Variants in DCN observed in about 807,000 individuals in gnomAD.
DCN encodes bone proteoglycan II.
Under a neutral mutation model 36.5 loss-of-function variants are expected in DCN, and 17 were observed. The ratio of observed to expected loss-of-function variants is 0.47; its 90% CI spans 0.32 to 0.70. The LOEUF is 0.70. Among genes scored for constraint, DCN ranks in the 30% least tolerant of loss-of-function variants. The pLI, the probability that DCN is intolerant of heterozygous loss-of-function variation, is 0.04. For missense variants in DCN, 389 were observed against 430.1 expected (o/e 0.90, Z 0.84); for synonymous variants, 163 against 161.4 (o/e 1.01, Z -0.07).
intron 6 of DCN, 110 bp from the exon 7 acceptor site, chr12:91,151,902 TA>T: frequency 2.4e-6 from 3 of 1,244,106 alleles, no homozygotes; most frequent in Non-Finnish European, 3.4e-6. Flanking sequence ...TTTTTGCACT[TA>T]CTCTTCCCAG....
intron 7 of DCN, among the ~76,000 whole-genome samples, chr12:91,146,743 T>C (rs1881053538): frequency 6.6e-6 from 1 of 152,226 alleles, no homozygotes; most frequent in African/African-American, 2.4e-5. Flanking sequence ...TAGTCTTGTC[T>C]TCCCCATCTC....
intron 2 of DCN, among the ~76,000 whole-genome samples, chr12:91,174,289 AT>A (rs1437357036): frequency 6.6e-6 from 1 of 152,008 alleles, no homozygotes; most frequent in African/African-American, 2.4e-5. Flanking sequence ...AGATGGTACT[AT>A]TTTGTGTCTA....
intron 6 of DCN, among the ~76,000 whole-genome samples, 160 bp downstream of exon 6, chr12:91,152,936 G>T (rs567179255): frequency 1.3e-5 from 2 of 152,094 alleles, no homozygotes; most frequent in Admixed American, 6.5e-5. Flanking sequence ...TTCTTCTCAA[G>T]AAATAATTGG....
Position 91,164,598 on chromosome 12 carries a change from T to C in DCN, c.324+7A>G. 6.6e-7 allele frequency: 1 copy of C among 1,507,244 alleles called. No individual in the cohort carries two copies. The highest frequency in any genetic ancestry group is 9.2e-7 in the Non-Finnish European group (1 of 1,082,914). 93.4% of individuals were successfully genotyped at this position (1,507,244 alleles called of 1,614,324 possible). ...CTTATTGTGAGTTAAAAAAAAATAG[T>C]TCTTACGTGAAGGTTCTTCAGGTTC... is the stretch of plus-strand genomic sequence containing the variant. On this transcript the variant is annotated splice_region_variant and intron_variant, in intron 3 of 7. Transcript: ENST00000052754.
chr12:91,159,585 AT>A (rs1005025891), intron 3 of DCN, among the ~76,000 whole-genome samples: 7 of 150,348 alleles, frequency 4.7e-5, no homozygotes, highest in African/African-American at 7.3e-5. Flanking sequence ...TTTTCTCCTG[AT>A]TTTTTTTTGC....
At chr12:91,178,287 C>T (rs1368703873) in intron 2 of DCN, 55 bp downstream of exon 2, 1 of 1,475,784 alleles carries the variant, frequency 6.8e-7, no homozygotes, top group East Asian at 2.3e-5. Context: ...TCAGAGTTGC[C>T]ATTCCCAAGA....
chr12:91,142,594 T>C lies in DCN; in HGVS notation c.*3464A>G, dbSNP rs1278229856. 6.6e-6 allele frequency: 1 copy of C among 152,214 alleles called. No individual in the cohort carries two copies. The highest frequency in any genetic ancestry group is 1.5e-5 in the Non-Finnish European group (1 of 68,050). The allele number at this position is 152,214 out of a possible 1,614,324, so 9.4% of individuals were successfully genotyped here. ...ATGTCATGAGAATTACATAGTAACA[T>C]TTATTGCCAGATCAAAGTCTTTGAA... On this transcript the variant is annotated 3_prime_UTR_variant, in exon 8 of 8. Coordinates refer to ENST00000052754, the MANE Select transcript of DCN (RefSeq NM_001920.5).
At chr12:91,169,475 T>C (rs2121280104) in intron 2 of DCN, among the ~76,000 whole-genome samples, 1 of 151,008 alleles carries the variant, frequency 6.6e-6, no homozygotes, top group South Asian at 2.1e-4. Context: ...ATAAATAAGC[T>C]ATAAACTATG....
intron 3 of DCN, among the ~76,000 whole-genome samples, chr12:91,159,289 A>G (rs1305010214): frequency 6.6e-6 from 1 of 152,208 alleles, no homozygotes; most frequent in Non-Finnish European, 1.5e-5. Flanking sequence ...CAGCAATGCA[A>G]GGAACTAAAA....
At chr12:91,163,545 C>G (rs181952583) in intron 3 of DCN, among the ~76,000 whole-genome samples, 1 of 152,138 alleles carries the variant, frequency 6.6e-6, no homozygotes, top group African/African-American at 2.4e-5. Context: ...TCCCATGCCC[C>G]TTTGCAAATA....
At position 91,141,298 on chromosome 12, in the gene DCN, T is replaced by C. The variant is rs1173972324; in HGVS notation, c.*4760A>G. 3 of 152,258 alleles carry C rather than the reference T, an allele frequency of 2.0e-5. No homozygotes were observed. Among genetic ancestry groups the C allele is most frequent in the East Asian group, 1.9e-4 (1 of 5,198 alleles). The allele number at this position is 152,258 out of a possible 1,614,324, so 9.4% of individuals were successfully genotyped here. A position where few individuals can be genotyped will look rare whatever the true frequency, so the allele number is the denominator to read the frequency against. On this transcript the variant is annotated 3_prime_UTR_variant, in exon 8 of 8. Transcript: ENST00000052754. ...GCTCACTTTACTCTGCTCACGTTTG[T>C]CCTCTCTGCTCTTGTTGGAACGTGC... is the stretch of plus-strand genomic sequence containing the variant.
intron 1 of DCN, among the ~76,000 whole-genome samples, chr12:91,181,545 T>C (rs570913145): frequency 1.6e-4 from 25 of 152,240 alleles, no homozygotes; most frequent in African/African-American, 5.8e-4. Context: ...TAATTACTAA[T>C]GTAATATCAC....
Position 91,158,485 on chromosome 12 carries a change from T to C in DCN, c.349A>G (p.Ile117Val), listed in dbSNP as rs939390141. 6.3e-7 allele frequency: 1 copy of C among 1,595,630 alleles called. No homozygotes were observed. The highest frequency in any genetic ancestry group is 1.3e-5 in the African/African-American group (1 of 74,558). The change falls in exon 4 of 8, where the codon ATT becomes GTT. Residue 117 changes from isoleucine (I) to valine (V), a missense_variant. Transcript: ENST00000052754. ...LHALILVNNKISKVSPGAFTP... is the reference protein window; with the variant it reads ...LHALILVNNKVSKVSPGAFTP... ...AATGCTCCAGGACTAACTTTGCTAA[T>C]TTTATTGTTGACAAGAATCAATGCC...
intron 2 of DCN, among the ~76,000 whole-genome samples, chr12:91,174,340 TCTCTAATAAGA>T (rs927538067): frequency 1.3e-5 from 2 of 152,018 alleles, no homozygotes; most frequent in African/African-American, 4.8e-5. Flanking sequence ...TCTTAATAAG[TCTCTAATAAGA>T]CTCTAAATAA....
chr12:91,172,891 A>G, intron 2 of DCN: 1 of 606,094 alleles, frequency 1.6e-6, no homozygotes, highest in Non-Finnish European at 2.9e-6. Flanking sequence ...AATAAAATAG[A>G]TATATAAAAA....
intron 7 of DCN, chr12:91,151,408 C>T (rs776732042): frequency 1.5e-5 from 7 of 462,552 alleles, no homozygotes; most frequent in Non-Finnish European, 2.4e-5. Context: ...AAAAAAATAT[C>T]AGCATTACAG....
Position 91,178,476 on chromosome 12 carries a change from T to C in DCN, c.77A>G (p.Asp26Gly). 1 of 1,613,618 alleles carries C rather than the reference T, an allele frequency of 6.2e-7. No individual in the cohort carries two copies. The highest frequency in any genetic ancestry group is 8.5e-7 in the Non-Finnish European group (1 of 1,179,898). ...AGPFQQRGLF[D>G]FMLEDEASGI... The stretch of plus-strand genomic sequence containing the variant: ...AGAAGCCTCATCTTCTAGCATAAAG[T>C]CAAATAAGCCTCTCTGTTGAAACGG... The change falls in exon 2 of 8, where the codon GAC (aspartate) becomes GGC (glycine). Residue 26 changes from aspartate to glycine, a missense_variant. Transcript: ENST00000052754.
chr12:91,171,484 C>T (rs993336054), intron 2 of DCN, among the ~76,000 whole-genome samples: 2 of 152,188 alleles, frequency 1.3e-5, no homozygotes, highest in Non-Finnish European at 2.9e-5. Context: ...TCTCTCTTCC[C>T]TTTGAATTCA....
chr12:91,157,434 A>G (rs970926090), intron 4 of DCN, among the ~76,000 whole-genome samples: 1 of 152,208 alleles, frequency 6.6e-6, no homozygotes, highest in Non-Finnish European at 1.5e-5. Flanking sequence ...GAAAAAGACT[A>G]TTAGTGAAAG....
Sources: gnomAD v4.1 joint callset for allele counts (sites outside exome capture counted in the v4.1 genomes callset) on GRCh38, gnomAD v4.1.1 for gene constraint, MANE v1.5 for transcripts, NCBI Gene and HGNC (gene_info 2026-07-23, HGNC 2026-07-21) for gene names.